The following COMMD10 variants were observed in gnomAD, a reference collection of about 807,000 sequenced individuals.
COMMD10 encodes the protein COMM domain-containing protein 10.
A neutral mutation model predicts 28.9 loss-of-function variants in COMMD10; 33 were observed. The observed-to-expected ratio is 1.14, with a 90% confidence interval of 0.87 to 1.53. The LOEUF (loss-of-function observed/expected upper bound fraction) is 1.53, where lower values mean the gene tolerates loss of function less well. Among genes scored for constraint, COMMD10 ranks in the 40% most tolerant of loss-of-function variants. COMMD10 has a pLI of 0.00. For synonymous variants in COMMD10, 110 were observed against 81.7 expected (o/e 1.35, Z -1.87); for missense variants, 310 against 233.4 (o/e 1.33, Z -2.14).
chr5:116,089,517 C>T (rs1750229172), intron 2 of COMMD10, among the ~76,000 whole-genome samples: 1 of 152,176 alleles, frequency 6.6e-6, no homozygotes, highest in Non-Finnish European at 1.5e-5. Flanking sequence ...GTCTTTTGTT[C>T]TTCACACTGA....
chr5:116,200,922 T>G (rs1018148860), intron 5 of COMMD10, among the ~76,000 whole-genome samples: 3 of 152,180 alleles, frequency 2.0e-5, no homozygotes, highest in Non-Finnish European at 2.9e-5. Context: ...TTCTGTCCTC[T>G]TCAAACTCTG....
At chr5:116,184,831 A>G (rs1390085829) in intron 5 of COMMD10, among the ~76,000 whole-genome samples, 2 of 152,136 alleles carry the variant, frequency 1.3e-5, no homozygotes, top group African/African-American at 2.4e-5. Context: ...TGTTAAATTC[A>G]TGAATCTTGG....
At chr5:116,150,974 G>T (rs1016078391) in intron 5 of COMMD10, among the ~76,000 whole-genome samples, 2 of 149,222 alleles carry the variant, frequency 1.3e-5, no homozygotes, top group Non-Finnish European at 2.9e-5. Context: ...TGCCCATTCA[G>T]GTATGATATT....
At chr5:116,086,463 C>CT (rs11393088) in intron 1 of COMMD10, among the ~76,000 whole-genome samples, 78,707 of 135,084 alleles carry the variant, frequency 0.58, 22,599 homozygotes, top group Non-Finnish European at 0.68. Context: ...ATCTCTCTCT[C>CT]TTTTTTTTCC....
At chr5:116,100,421 T>G (rs1750620512) in intron 4 of COMMD10, among the ~76,000 whole-genome samples, 1 of 150,024 alleles carries the variant, frequency 6.7e-6, no homozygotes. Flanking sequence ...TTTCCTGTAT[T>G]TTTTTCTAGA....
chr5:116,231,830 A>T (rs1437065173), intron 5 of COMMD10, among the ~76,000 whole-genome samples: 1 of 152,160 alleles, frequency 6.6e-6, no homozygotes, highest in Non-Finnish European at 1.5e-5. Context: ...GGGAGTACTT[A>T]CTTCAAGACA....
At chr5:116,174,494 G>C (rs188909942) in intron 5 of COMMD10, among the ~76,000 whole-genome samples, 1 of 152,152 alleles carries the variant, frequency 6.6e-6, no homozygotes, top group Non-Finnish European at 1.5e-5. Flanking sequence ...AAAACAGATT[G>C]CAAGGGAGCA....
intron 5 of COMMD10, among the ~76,000 whole-genome samples, chr5:116,200,366 C>T (rs906028747): frequency 2.0e-4 from 30 of 152,010 alleles, no homozygotes; most frequent in African/African-American, 7.2e-4. Flanking sequence ...TCTTTATCTT[C>T]GATTTTCTGT....
intron 5 of COMMD10, among the ~76,000 whole-genome samples, chr5:116,279,885 A>C (rs1751027093): frequency 1.3e-5 from 2 of 151,778 alleles, no homozygotes; most frequent in Non-Finnish European, 2.9e-5. Flanking sequence ...TATATTTATC[A>C]AAATACCCTC....
intron 5 of COMMD10, among the ~76,000 whole-genome samples, chr5:116,208,947 A>T (rs958590940): frequency 6.6e-6 from 1 of 152,072 alleles, no homozygotes; most frequent in Non-Finnish European, 1.5e-5. Context: ...AACATTGGGA[A>T]AATCTTTTGT....
At chr5:116,244,050 A>T (rs1212288904) in intron 5 of COMMD10, among the ~76,000 whole-genome samples, 2 of 152,104 alleles carry the variant, frequency 1.3e-5, no homozygotes, top group East Asian at 1.9e-4. Flanking sequence ...CACATATTAT[A>T]TATCTATATA....
intron 4 of COMMD10, 152 bp from the exon 5 acceptor site, chr5:116,133,916 C>A (rs989496928): frequency 4.0e-6 from 2 of 495,068 alleles, no homozygotes; most frequent in Non-Finnish European, 7.2e-6. Flanking sequence ...AGGGAGAATT[C>A]GCAGAGTATG....
intron 2 of COMMD10, among the ~76,000 whole-genome samples, chr5:116,088,951 A>G (rs1462823659): frequency 6.6e-6 from 1 of 152,184 alleles, no homozygotes; most frequent in African/African-American, 2.4e-5. Flanking sequence ...ATACATTGCT[A>G]CTAGTATAGT....
chr5:116,183,087 G>T (rs765508726), intron 5 of COMMD10, among the ~76,000 whole-genome samples: 2 of 152,032 alleles, frequency 1.3e-5, no homozygotes, highest in Admixed American at 1.3e-4. Flanking sequence ...CCCAGTCTTC[G>T]GTATTTCTTC....
At chr5:116,208,944 G>A (rs1195301872) in intron 5 of COMMD10, among the ~76,000 whole-genome samples, 1 of 151,962 alleles carries the variant, frequency 6.6e-6, no homozygotes, top group Non-Finnish European at 1.5e-5. Flanking sequence ...CCAAACATTG[G>A]GAAAATCTTT....
At chr5:116,283,280 T>G (rs984047413) in intron 5 of COMMD10, among the ~76,000 whole-genome samples, 1 of 151,838 alleles carries the variant, frequency 6.6e-6, no homozygotes, top group Admixed American at 6.6e-5. Flanking sequence ...GTTTTAAAAC[T>G]TATTCATTTG....
chr5:116,162,325 C>G (rs1752944589), intron 5 of COMMD10, among the ~76,000 whole-genome samples: 1 of 148,186 alleles, frequency 6.7e-6, no homozygotes, highest in Admixed American at 6.8e-5. Context: ...ATGAAAATTA[C>G]AAGCATGCAC....
At chr5:116,142,570 A>G (rs1054857101) in intron 5 of COMMD10, among the ~76,000 whole-genome samples, 9 of 151,822 alleles carry the variant, frequency 5.9e-5, no homozygotes, top group Non-Finnish European at 1.3e-4. Context: ...CAAACGTTGC[A>G]TTCAGAAGAT....
chr5:116,270,158 T>C (rs529683309), intron 5 of COMMD10, among the ~76,000 whole-genome samples: 1 of 152,036 alleles, frequency 6.6e-6, no homozygotes, highest in East Asian at 1.9e-4. Flanking sequence ...GGTTTTATCC[T>C]TTTACTAAAG....
Sources: allele counts gnomAD v4.1 joint callset (sites outside exome capture counted in the v4.1 genomes callset), GRCh38; gene constraint gnomAD v4.1.1; transcripts MANE v1.5; gene names NCBI Gene and HGNC (gene_info 2026-07-23, HGNC 2026-07-21).